NPAS3: variants seen among roughly 807,000 people sequenced by gnomAD.
The protein encoded by NPAS3 is neuronal PAS domain protein 3.
In NPAS3, 14 loss-of-function variants were observed where a neutral mutation model predicts 73.1. The observed-to-expected ratio is 0.19, with a 90% CI of 0.13 to 0.30. The LOEUF (loss-of-function observed/expected upper bound fraction) is 0.30, where lower values mean the gene tolerates loss of function less well. Ranked by LOEUF, NPAS3 falls within the 10% of genes least tolerant of loss-of-function variation. The probability of loss-of-function intolerance (pLI) is 1.00; values close to 1 mark genes in which losing one functional copy is unlikely to be tolerated. For synonymous variants in NPAS3, 620 were observed against 541.5 expected (o/e 1.14, Z -2.01); for missense variants, 1,096 against 1,250.0 (o/e 0.88, Z 1.86).
chr14:33,221,973 T>A (rs2047448152), intron 3 of NPAS3, among the ~76,000 whole-genome samples: 2 of 152,030 alleles, frequency 1.3e-5, no homozygotes, highest in Non-Finnish European at 2.9e-5. Flanking sequence ...CGCTCAGAAA[T>A]GAAGACCCAG....
At chr14:33,127,476 G>A (rs369948993) in intron 2 of NPAS3, among the ~76,000 whole-genome samples, 40 of 152,188 alleles carry the variant, frequency 2.6e-4, no homozygotes, top group East Asian at 7.7e-4. Context: ...ACTTGGCCAC[G>A]CTGTGTCTCT....
At chr14:33,641,978 G>A (rs1051907794) in intron 5 of NPAS3, among the ~76,000 whole-genome samples, 3 of 152,014 alleles carry the variant, frequency 2.0e-5, no homozygotes, top group East Asian at 3.9e-4. Flanking sequence ...ATAATTCATC[G>A]ATTCCCAACA....
rs1213959477 is a variant in NPAS3 at position 33,790,346 on chromosome 14, C to A, written c.1154-3551C>A. 5.9e-5 allele frequency among the ~76,000 whole-genome samples: 9 copies of A among 152,164 alleles called. 1 individual carries two copies. Among genetic ancestry groups the A allele is most frequent in the Non-Finnish European group, 1.0e-4 (7 of 68,012 alleles). ...AAACCTAAAACTTGAAAATAAAAAA[C>A]AACAGCCACTGGATTGAAGAGAATC... On this transcript the variant is annotated intron_variant, in intron 9 of 11. Transcript: ENST00000356141.
chr14:33,619,448 T>TAA (rs146666784), intron 5 of NPAS3, among the ~76,000 whole-genome samples: 214 of 148,490 alleles, frequency 1.4e-3, no homozygotes, highest in African/African-American at 4.6e-3. Context: ...CTGAGATGAT[T>TAA]AAAAAAAAAA....
At chr14:33,126,217 C>A (rs1332568365) in intron 2 of NPAS3, among the ~76,000 whole-genome samples, 1 of 152,086 alleles carries the variant, frequency 6.6e-6, no homozygotes, top group Non-Finnish European at 1.5e-5. Context: ...TGATATCAAC[C>A]ACTACTTATC....
chr14:33,390,404 A>G, intron 4 of NPAS3, among the ~76,000 whole-genome samples: 1 of 152,174 alleles, frequency 6.6e-6, no homozygotes, highest in East Asian at 1.9e-4. Context: ...ATCAGGGCCT[A>G]CAGTGATAGA....
intron 4 of NPAS3, among the ~76,000 whole-genome samples, chr14:33,405,165 A>C (rs941003141): frequency 1.3e-5 from 2 of 152,020 alleles, no homozygotes; most frequent in Non-Finnish European, 1.5e-5. Flanking sequence ...ATGTTGCTGC[A>C]GCTCTCTGTC....
At position 33,215,443 on chromosome 14, in the gene NPAS3, T is replaced by C; in HGVS notation, c.385+17T>C. The C allele has an allele frequency of 6.2e-7, 1 of 1,613,544 alleles. No individual in the cohort carries two copies. The highest frequency in any genetic ancestry group is 8.5e-7 in the Non-Finnish European group (1 of 1,179,692). On this transcript the variant is annotated intron_variant, in intron 3 of 11. Coordinates refer to ENST00000356141, the Ensembl canonical transcript of NPAS3. ...CAGTAAAAGGTAAGTTTTAGGTCAC[T>C]GTTCAGTCTGAATATGATGGTCTGT...
chr14:33,460,045 C>CA (rs2050190844), intron 4 of NPAS3, among the ~76,000 whole-genome samples: 2 of 152,164 alleles, frequency 1.3e-5, no homozygotes, highest in Non-Finnish European at 2.9e-5. Flanking sequence ...ATCCTTCTTG[C>CA]AGAGATTTTG....
chr14:33,798,738 A>G (rs1427675289), intron 11 of NPAS3, among the ~76,000 whole-genome samples: 1 of 152,214 alleles, frequency 6.6e-6, no homozygotes, highest in Non-Finnish European at 1.5e-5. Flanking sequence ...TAGAATTGGT[A>G]GTCTCTGCCC....
In NPAS3 at chr14:33,198,202, G is replaced by A. The variant is rs112696492; in HGVS notation, c.141-16980G>A. Among the ~76,000 whole-genome samples the A allele has an allele frequency of 2.6e-5, 4 of 152,170 alleles. No homozygotes were observed. The South Asian group carries it at 8.3e-4, about 32-fold the overall frequency. ...ACCCAAAGAGTGAGCAACAGCAAGA[G>A]TTATTGCAAAGAGCAAAAGAACAAA... On this transcript the variant is annotated intron_variant, in intron 2 of 11. Coordinates refer to ENST00000356141, the Ensembl canonical transcript of NPAS3.
Position 32,990,106 on chromosome 14 carries a change from G to A in NPAS3, c.50+50740G>A, listed in dbSNP as rs79759907. 2.7e-4 allele frequency among the ~76,000 whole-genome samples: 41 copies of A among 152,276 alleles called. No individual in the cohort carries two copies. In the East Asian group the frequency reaches 7.9e-3, roughly 29 times the overall value. ...TGAAACAGGGAATGTAGGAAAAGGA[G>A]CAAATATGTGCCAGAAGATCATGAG... On this transcript the variant is annotated intron_variant, in intron 1 of 11. Coordinates refer to ENST00000356141, the Ensembl canonical transcript of NPAS3.
intron 2 of NPAS3, among the ~76,000 whole-genome samples, chr14:33,086,336 G>A (rs973353170): frequency 6.6e-6 from 1 of 151,898 alleles, no homozygotes; most frequent in Non-Finnish European, 1.5e-5. Context: ...TTTGATTTAA[G>A]GGTTATTTTC....
chr14:33,348,377 C>T (rs1419941233), intron 3 of NPAS3, among the ~76,000 whole-genome samples: 2 of 151,964 alleles, frequency 1.3e-5, no homozygotes, highest in Non-Finnish European at 2.9e-5. Context: ...TTGAAAATCG[C>T]ACATGGATAA....
At chr14:33,008,228 A>G (rs1185085067) in intron 1 of NPAS3, among the ~76,000 whole-genome samples, 1 of 152,204 alleles carries the variant, frequency 6.6e-6, no homozygotes, top group Non-Finnish European at 1.5e-5. Flanking sequence ...GGAAATCTGC[A>G]CGGTTAAAAA....
rs193114676 is a variant in NPAS3 at position 33,226,815 on chromosome 14, A to G, written c.385+11389A>G. Among the ~76,000 whole-genome samples, 523 of 152,318 alleles carry G rather than the reference A, an allele frequency of 3.4e-3. 3 individuals are homozygous for G. Among genetic ancestry groups the G allele is most frequent in the Non-Finnish European group, 6.0e-3 (405 of 68,026 alleles). On this transcript the variant is annotated intron_variant, in intron 3 of 11. Coordinates refer to ENST00000356141, the Ensembl canonical transcript of NPAS3. ...AATTTCAGTAATGTTTTGTAATTAA[A>G]GCATATTATTTACGTATAATTTTAC...
rs79195667 is a variant in NPAS3 at position 33,478,015 on chromosome 14, T to G, written c.469-82106T>G. Among the ~76,000 whole-genome samples the G allele has an allele frequency of 1.7e-3, 262 of 152,278 alleles. 8 individuals carry two copies. In the East Asian group the frequency reaches 0.048, roughly 28 times the overall value. ...CCTGTTGTGCTATTATGTGGGCATG[T>G]GGAAGCCCTAGTGATTGATCTGTGT... On this transcript the variant is annotated intron_variant, in intron 4 of 11. Transcript: ENST00000356141.
At chr14:33,008,683 T>TA (rs1268187832) in intron 1 of NPAS3, among the ~76,000 whole-genome samples, 3 of 152,160 alleles carry the variant, frequency 2.0e-5, no homozygotes, top group African/African-American at 7.2e-5. Flanking sequence ...TTATAGGAAA[T>TA]ATAAGAAATG....
At chr14:33,570,024 G>A (rs2056138182) in intron 5 of NPAS3, among the ~76,000 whole-genome samples, 1 of 152,166 alleles carries the variant, frequency 6.6e-6, no homozygotes, top group Admixed American at 6.5e-5. Context: ...AATACAGATG[G>A]GGTATTTGTG....
Sources: allele counts gnomAD v4.1 joint callset (sites outside exome capture counted in the v4.1 genomes callset), GRCh38; gene constraint gnomAD v4.1.1; transcripts MANE v1.5; gene names NCBI Gene and HGNC (gene_info 2026-07-23, HGNC 2026-07-21).